Variants in SNX24 observed in about 807,000 individuals in gnomAD.
The protein encoded by SNX24 is sorting nexin 24, also known as sorting nexin-24.
In SNX24, 22 loss-of-function variants were observed where a neutral mutation model predicts 28.7. The observed-to-expected ratio is 0.77, with a 90% CI of 0.55 to 1.10. The LOEUF (loss-of-function observed/expected upper bound fraction) is 1.10. SNX24 is among the 50% of genes least tolerant of loss of function. The pLI is 0.00. For missense variants in SNX24, 221 were observed against 201.1 expected (o/e 1.10, Z -0.60); for synonymous variants, 69 against 71.5 (o/e 0.96, Z 0.18).
At chr5:122,891,524 GTAAAT>G (rs1301210842) in intron 1 of SNX24, among the ~76,000 whole-genome samples, 1 of 152,024 alleles carries the variant, frequency 6.6e-6, no homozygotes, top group African/African-American at 2.4e-5. Flanking sequence ...ATTTTTTAAA[GTAAAT>G]TGCAATTTTT....
At chr5:122,894,551 G>C (rs1757119444) in intron 1 of SNX24, among the ~76,000 whole-genome samples, 3 of 152,224 alleles carry the variant, frequency 2.0e-5, no homozygotes. Context: ...GTCTCCTTTG[G>C]ATAGGCATTG....
intron 1 of SNX24, among the ~76,000 whole-genome samples, chr5:122,858,892 T>TG (rs759671576): frequency 3.3e-4 from 51 of 152,314 alleles, no homozygotes; most frequent in Non-Finnish European, 4.7e-4. Context: ...GGAATACAGG[T>TG]GCCCACCACC....
At chr5:122,986,078 T>A (rs1238001826) in intron 3 of SNX24, among the ~76,000 whole-genome samples, 1 of 143,792 alleles carries the variant, frequency 7.0e-6, no homozygotes, top group East Asian at 1.9e-4. Flanking sequence ...TTGTCAGAGG[T>A]GAGAGAAAGG....
chr5:122,903,701 T>G (rs867846769), intron 1 of SNX24, among the ~76,000 whole-genome samples: 1 of 152,206 alleles, frequency 6.6e-6, no homozygotes, highest in Non-Finnish European at 1.5e-5. Flanking sequence ...CCTTAAGTTT[T>G]GGTTTACTGT....
At chr5:122,957,862 A>G (rs1213399038) in intron 3 of SNX24, among the ~76,000 whole-genome samples, 3 of 152,138 alleles carry the variant, frequency 2.0e-5, no homozygotes, top group African/African-American at 7.2e-5. Context: ...ATTGATTTTT[A>G]TGTATTGATT....
rs781284487 is a variant in SNX24 at position 123,025,908 on chromosome 5, A to G, written n.384-3330A>G. 1.4e-5 allele frequency: 23 copies of G among 1,613,460 alleles called. No individual in the cohort carries two copies. Among genetic ancestry groups the G allele is most frequent in the East Asian group, 1.1e-4 (5 of 44,888 alleles). ...AGCGTTGGCCATGCTGACCCACCCA[A>G]TGCCATAGTGCTTCAGCTTGAAGTT... On this transcript the variant is annotated intron_variant and non_coding_transcript_variant, in intron 5 of 5. Transcript: ENST00000502387.
At chr5:122,860,505 T>C (rs1254602012) in intron 1 of SNX24, among the ~76,000 whole-genome samples, 3 of 152,228 alleles carry the variant, frequency 2.0e-5, no homozygotes, top group Non-Finnish European at 4.4e-5. Context: ...ATTCCATTTG[T>C]AGAATCAGAT....
intron 1 of SNX24, among the ~76,000 whole-genome samples, chr5:122,849,408 T>G (rs1754794203): frequency 6.6e-6 from 1 of 152,090 alleles, no homozygotes; most frequent in Non-Finnish European, 1.5e-5. Context: ...GCTGGAGCCT[T>G]GTATCCAGGG....
chr5:122,896,998 T>C (rs1293067917), intron 1 of SNX24, among the ~76,000 whole-genome samples: 1 of 152,238 alleles, frequency 6.6e-6, no homozygotes, highest in African/African-American at 2.4e-5. Context: ...ACGGTGTCAG[T>C]AACTTAGAAT....
At chr5:122,940,670 C>G (rs1317307066) in intron 2 of SNX24, among the ~76,000 whole-genome samples, 1 of 152,172 alleles carries the variant, frequency 6.6e-6, no homozygotes, top group Admixed American at 6.5e-5. Context: ...CTCCCAGGTT[C>G]AAACGATTCT....
rs1334311866 is a variant in SNX24, at chr5:123,008,157, T to A, written c.*408T>A. 5.0e-6 allele frequency: 5 copies of A among 993,640 alleles called. No individual in the cohort carries two copies. The East Asian group carries it at 5.6e-4, about 110-fold the overall frequency. 61.6% of individuals were successfully genotyped at this position (993,640 alleles called of 1,614,324 possible). A position where few individuals can be genotyped will look rare whatever the true frequency, so the allele number is the denominator to read the frequency against. On this transcript the variant is annotated 3_prime_UTR_variant, in exon 7 of 7. Transcript: ENST00000261369. ...TGGTAGCTTTTTTGTTCAGATCTTA[T>A]GACACACTACTCTTCTCACCGTGAG...
chr5:122,958,047 C>CT (rs2150135750), intron 3 of SNX24, among the ~76,000 whole-genome samples: 1 of 152,152 alleles, frequency 6.6e-6, no homozygotes, highest in South Asian at 2.1e-4. Context: ...CTGGCTTAAA[C>CT]TTTGAGTACT....
intron 6 of SNX24, among the ~76,000 whole-genome samples, chr5:123,003,897 C>G (rs1762331452): frequency 6.6e-6 from 1 of 152,176 alleles, no homozygotes; most frequent in Non-Finnish European, 1.5e-5. Context: ...GGACCAGTCA[C>G]CAGATCTGTT....
intron 1 of SNX24, among the ~76,000 whole-genome samples, chr5:122,919,412 T>A (rs1464904284): frequency 6.6e-6 from 1 of 152,232 alleles, no homozygotes; most frequent in African/African-American, 2.4e-5. Flanking sequence ...AAGAATTGTG[T>A]TAATGAAGTG....
chr5:122,980,297 C>T (rs1761339992), intron 3 of SNX24, among the ~76,000 whole-genome samples: 1 of 152,082 alleles, frequency 6.6e-6, no homozygotes, highest in Admixed American at 6.6e-5. Context: ...CTTCTCACAA[C>T]CAACCTGTTA....
At chr5:122,884,980 G>A (rs1431988919) in intron 1 of SNX24, among the ~76,000 whole-genome samples, 1 of 152,184 alleles carries the variant, frequency 6.6e-6, no homozygotes, top group Non-Finnish European at 1.5e-5. Flanking sequence ...GGACCCGTTG[G>A]CCATTTCAGA....
At chr5:122,980,259 G>T (rs1180961027) in intron 3 of SNX24, among the ~76,000 whole-genome samples, 1 of 152,138 alleles carries the variant, frequency 6.6e-6, no homozygotes, top group Non-Finnish European at 1.5e-5. Context: ...CATAATAGCA[G>T]AACTCTGCAG....
intron 5 of SNX24, chr5:123,022,850 ACT>A (rs1006705649): frequency 6.6e-6 from 1 of 152,104 alleles, no homozygotes; most frequent in African/African-American, 2.4e-5. Flanking sequence ...ACAGGGTCTC[ACT>A]CTGTTGCCTG....
intron 3 of SNX24, among the ~76,000 whole-genome samples, chr5:122,988,062 C>T (rs1461060366): frequency 6.6e-6 from 1 of 152,174 alleles, no homozygotes; most frequent in African/African-American, 2.4e-5. Flanking sequence ...TACTTCCCTG[C>T]CCCCCTTTCC....
Sources: allele counts gnomAD v4.1 joint callset (sites outside exome capture counted in the v4.1 genomes callset), GRCh38; gene constraint gnomAD v4.1.1; transcripts MANE v1.5; gene names NCBI Gene and HGNC (gene_info 2026-07-23, HGNC 2026-07-21).